Variants in RBFOX1 observed in about 807,000 individuals in gnomAD.
RBFOX1 encodes RNA binding protein fox-1 homolog 1.
A neutral mutation model predicts 57.7 loss-of-function variants in RBFOX1; 8 were observed. The observed-to-expected ratio is 0.14, with a 90% CI of 0.08 to 0.25. RBFOX1 has a LOEUF of 0.25. Ranked by LOEUF, RBFOX1 falls within the 10% of genes least tolerant of loss-of-function variation. The probability of loss-of-function intolerance (pLI) is 1.00; values close to 1 mark genes in which losing one functional copy is unlikely to be tolerated. For missense variants in RBFOX1, 611 were observed against 548.5 expected (o/e 1.11, Z -1.14); for synonymous variants, 326 against 222.4 (o/e 1.47, Z -4.15).
rs1222898694 is a variant in RBFOX1, at chr16:6,922,220, C to CT, written c.-15-129836dup. On this transcript the variant is annotated intron_variant, in intron 3 of 15. Coordinates refer to ENST00000550418, the MANE Select transcript of RBFOX1 (RefSeq NM_018723.4). Reference sequence around the variant, plus strand: ...GTGGTTCTTGCTACAATGGAGAGGTCTGAGGCATTGGCATCGATCTCAGAA... The same window carrying CT: ...GTGGTTCTTGCTACAATGGAGAGGTCTTGAGGCATTGGCATCGATCTCAGAA... Among the ~76,000 whole-genome samples the CT allele has an allele frequency of 2.0e-5, 3 of 152,096 alleles. No homozygotes were observed. In the East Asian group the frequency reaches 5.8e-4, roughly 29 times the overall value.
chr16:5,855,663 C>G (rs2057006570), intron 3 of RBFOX1, among the ~76,000 whole-genome samples: 2 of 152,104 alleles, frequency 1.3e-5, no homozygotes, highest in South Asian at 2.1e-4. Context: ...TATGTGATGC[C>G]TTCAACTTTG....
chr16:6,627,288 TA>T (rs1316276705), intron 2 of RBFOX1, among the ~76,000 whole-genome samples: 1 of 152,294 alleles, frequency 6.6e-6, no homozygotes, highest in East Asian at 1.9e-4. Context: ...CGTCCCTACT[TA>T]GGTGTGCTTA....
At chr16:5,460,535 AC>A (rs2068757333) in intron 1 of RBFOX1, among the ~76,000 whole-genome samples, 2 of 152,154 alleles carry the variant, frequency 1.3e-5, no homozygotes, top group African/African-American at 4.8e-5. Context: ...CTTCTGTGCT[AC>A]CCACAGTCCT....
chr16:5,934,736 TTTAA>T lies in RBFOX1; in HGVS notation c.351+67415_351+67418del, dbSNP rs753664407. On this transcript the variant is annotated intron_variant, in intron 4 of 19. Coordinates refer to the RBFOX1 transcript ENST00000641259. ...AAATATGTATAATTATTACGTGTCA[TTTAA>T]TTAATTAATTAATGTGGGGGACTGA... Among the ~76,000 whole-genome samples the T allele has an allele frequency of 5.9e-5, 9 of 152,332 alleles. No homozygotes were observed. The South Asian group carries it at 1.0e-3, about 18-fold the overall frequency.
intron 3 of RBFOX1, among the ~76,000 whole-genome samples, chr16:5,790,863 T>TG (rs1567546248): frequency 5.1e-4 from 68 of 132,636 alleles, no homozygotes; most frequent in African/African-American, 1.4e-3. Context: ...GTCTTTATTT[T>TG]TTTTTTTTTT....
At position 5,853,424 on chromosome 16, in the gene RBFOX1, C is replaced by T. The variant is rs558046428; in HGVS notation, c.319-13879C>T. On this transcript the variant is annotated intron_variant, in intron 3 of 19. Coordinates refer to the RBFOX1 transcript ENST00000641259. Reference sequence around the variant, plus strand: ...GCACGGCCTGACCTGCCCCCATGTTCCCTGGGCTTGAGGAGCCAGGTCTGG... The same window carrying T: ...GCACGGCCTGACCTGCCCCCATGTTTCCTGGGCTTGAGGAGCCAGGTCTGG... Among the ~76,000 whole-genome samples, 83 of 152,322 alleles carry T rather than the reference C, an allele frequency of 5.4e-4. 1 individual carries two copies. The highest frequency in any genetic ancestry group is 1.8e-3 in the African/African-American group (75 of 41,582).
chr16:6,615,596 A>G (rs1378185798), intron 2 of RBFOX1, among the ~76,000 whole-genome samples: 3 of 152,154 alleles, frequency 2.0e-5, no homozygotes, highest in Non-Finnish European at 2.9e-5. Flanking sequence ...CTCTGTCCCA[A>G]TAAATATGGC....
At chr16:6,117,706 G>C (rs954266555) in intron 1 of RBFOX1, among the ~76,000 whole-genome samples, 2 of 151,960 alleles carry the variant, frequency 1.3e-5, no homozygotes, top group Admixed American at 6.5e-5. Context: ...TGAGAAATAC[G>C]TTTCTGTTCT....
intron 2 of RBFOX1, among the ~76,000 whole-genome samples, chr16:6,545,780 A>G (rs142499114): frequency 2.0e-5 from 3 of 152,354 alleles, no homozygotes; most frequent in East Asian, 3.9e-4. Context: ...TTTGTGAGGA[A>G]GGCATATAGT....
At chr16:6,251,640 C>G (rs1031987331) in intron 1 of RBFOX1, among the ~76,000 whole-genome samples, 2 of 152,068 alleles carry the variant, frequency 1.3e-5, no homozygotes, top group African/African-American at 4.8e-5. Context: ...GCAATGCCAG[C>G]TAAAACTCTG....
At chr16:6,333,988 G>T (rs2083340861) in intron 2 of RBFOX1, among the ~76,000 whole-genome samples, 1 of 152,040 alleles carries the variant, frequency 6.6e-6, no homozygotes, top group South Asian at 2.1e-4. Flanking sequence ...TTTCTTTTTT[G>T]GTGGGGGTAG....
At chr16:6,175,713 A>C (rs1281125623) in intron 1 of RBFOX1, among the ~76,000 whole-genome samples, 1 of 152,188 alleles carries the variant, frequency 6.6e-6, no homozygotes, top group South Asian at 2.1e-4. Flanking sequence ...CTGGATTTCT[A>C]AGTGGTTCCC....
chr16:6,276,923 G>C (rs1005609108), intron 1 of RBFOX1, among the ~76,000 whole-genome samples: 3 of 151,878 alleles, frequency 2.0e-5, no homozygotes, highest in African/African-American at 4.8e-5. Context: ...TTAGATCAGC[G>C]CTTGCCACAG....
At chr16:6,342,729 A>T (rs1183895749) in intron 2 of RBFOX1, among the ~76,000 whole-genome samples, 1 of 152,108 alleles carries the variant, frequency 6.6e-6, no homozygotes, top group Non-Finnish European at 1.5e-5. Context: ...GTATTTGATA[A>T]ATCTCTTCGG....
chr16:7,529,828 G>GT (rs1186468677), intron 5 of RBFOX1, among the ~76,000 whole-genome samples: 9 of 151,970 alleles, frequency 5.9e-5, no homozygotes, highest in African/African-American at 2.2e-4. Context: ...AGTCAACCTA[G>GT]TGAAACCCCG....
At position 5,829,121 on chromosome 16, in the gene RBFOX1, C is replaced by T. The variant is rs145071254; in HGVS notation, c.319-38182C>T. The stretch of plus-strand genomic sequence containing the variant: ...GCTCCAGCTCACACTCAGGAGGAGA[C>T]CACTCAAAGGAATGTGTGCCAGGAG... On this transcript the variant is annotated intron_variant, in intron 3 of 19. Coordinates refer to the RBFOX1 transcript ENST00000641259. Among the ~76,000 whole-genome samples the T allele has an allele frequency of 3.6e-4, 55 of 152,188 alleles. 1 individual carries two copies. Among genetic ancestry groups the T allele is most frequent in the African/African-American group, 1.3e-3 (52 of 41,506 alleles).
intron 1 of RBFOX1, among the ~76,000 whole-genome samples, chr16:6,127,042 G>T (rs371844724): frequency 6.6e-6 from 1 of 152,158 alleles, no homozygotes; most frequent in African/African-American, 2.4e-5. Context: ...GGCTTAGAGA[G>T]GGGGAAGGAA....
chr16:5,348,181 A>G (rs141756675), intron 1 of RBFOX1, among the ~76,000 whole-genome samples: 21 of 150,680 alleles, frequency 1.4e-4, no homozygotes, highest in African/African-American at 4.9e-4. Context: ...TTTCCACTCA[A>G]TAATCTACTC....
intron 3 of RBFOX1, among the ~76,000 whole-genome samples, chr16:5,713,627 A>G (rs2051576170): frequency 6.6e-6 from 1 of 152,178 alleles, no homozygotes; most frequent in African/African-American, 2.4e-5. Flanking sequence ...AGTACATTCT[A>G]TAAGGAGCTA....
Sources: allele counts gnomAD v4.1 joint callset (sites outside exome capture counted in the v4.1 genomes callset), GRCh38; gene constraint gnomAD v4.1.1; transcripts MANE v1.5; gene names NCBI Gene and HGNC (gene_info 2026-07-23, HGNC 2026-07-21).